FBN1: variants seen among roughly 807,000 people sequenced by gnomAD.
The protein encoded by FBN1 is fibrillin 1.
In FBN1, 29 loss-of-function variants were observed where a neutral mutation model predicts 365.1. The ratio of observed to expected loss-of-function variants is 0.08; its 90% CI spans 0.06 to 0.11. The LOEUF is 0.11. Ranked by LOEUF, FBN1 falls within the 10% of genes least tolerant of loss-of-function variation. The probability of loss-of-function intolerance (pLI) is 1.00; values close to 1 mark genes in which losing one functional copy is unlikely to be tolerated. For synonymous variants in FBN1, 1,210 were observed against 1,270.5 expected (o/e 0.95, Z 1.01); for missense variants, 2,476 against 3,703.2 (o/e 0.67, Z 8.60).
At chr15:48,414,050 G>T (rs188953780) in intron 64 of FBN1, among the ~76,000 whole-genome samples, 15 of 152,312 alleles carry the variant, frequency 9.8e-5, no homozygotes, top group Admixed American at 9.8e-4. Context: ...CTGCAAATTT[G>T]CAGGCTTTGG....
At chr15:48,512,980 G>A (rs1480629746) in intron 13 of FBN1, among the ~76,000 whole-genome samples, 1 of 152,116 alleles carries the variant, frequency 6.6e-6, no homozygotes, top group Non-Finnish European at 1.5e-5. Flanking sequence ...AATTTTTTAT[G>A]AGGGGACATT....
Position 48,505,164 on chromosome 15 carries a change from C to A in FBN1, c.1838-17G>T, listed in dbSNP as rs762500537. 12 of 1,613,828 alleles carry A rather than the reference C, an allele frequency of 7.4e-6. No individual in the cohort carries two copies. The East Asian group carries it at 2.7e-4, about 36-fold the overall frequency. On this transcript the variant is annotated splice_polypyrimidine_tract_variant and intron_variant, in intron 15 of 65. Coordinates refer to ENST00000316623, the MANE Select transcript of FBN1 (RefSeq NM_000138.5). The stretch of plus-strand genomic sequence containing the variant: ...CGTTAATGTCTGTGGCAGAGAAAGG[C>A]ACTTATTAAAAATGAAGTGACATTT...
intron 2 of FBN1, among the ~76,000 whole-genome samples, chr15:48,626,256 CA>C (rs35055998): frequency 0.19 from 16,853 of 88,866 alleles, 923 homozygotes; most frequent in Non-Finnish European, 0.22. Flanking sequence ...GACCCTGTCT[CA>C]AAAAAAAAAA....
rs10519175 is a variant in FBN1 at position 48,460,712 on chromosome 15, C to T, written c.5225-395G>A. On this transcript the variant is annotated intron_variant, in intron 42 of 65. Coordinates refer to ENST00000316623, the MANE Select transcript of FBN1 (RefSeq NM_000138.5). ...GGAACACGTATAAAAGCCATTTTCT[C>T]GGTAGATTATAGGAGACCATAGCAA... Among the ~76,000 whole-genome samples the T allele has an allele frequency of 4.9e-3, 740 of 152,168 alleles. 16 individuals are homozygous for T. Among genetic ancestry groups the T allele is most frequent in the East Asian group, 0.048 (250 of 5,184 alleles).
At chr15:48,446,539 T>C (rs2043160590) in intron 47 of FBN1, among the ~76,000 whole-genome samples, 167 bp downstream of exon 47, 1 of 152,212 alleles carries the variant, frequency 6.6e-6, no homozygotes, top group Non-Finnish European at 1.5e-5. Flanking sequence ...ACTTCTGTAA[T>C]ATATTTCATG....
intron 6 of FBN1, among the ~76,000 whole-genome samples, chr15:48,553,806 G>A (rs1801590975): frequency 6.6e-6 from 1 of 152,112 alleles, no homozygotes; most frequent in Non-Finnish European, 1.5e-5. Context: ...TGAGCTGGTT[G>A]TGCTTCAGTC....
intron 4 of FBN1, among the ~76,000 whole-genome samples, chr15:48,602,710 C>T (rs1161212533): frequency 1.7e-4 from 26 of 152,094 alleles, no homozygotes; most frequent in Admixed American, 1.5e-3. Flanking sequence ...CTTATGATTC[C>T]GTTAAAACAT....
chr15:48,510,685 T>C (rs562814852), intron 13 of FBN1, among the ~76,000 whole-genome samples: 3 of 152,320 alleles, frequency 2.0e-5, no homozygotes, highest in African/African-American at 4.8e-5. Flanking sequence ...TTACTGCTGA[T>C]AGATTCTTAG....
At chr15:48,490,802 A>T (rs1015996809) in intron 24 of FBN1, among the ~76,000 whole-genome samples, 1 of 152,228 alleles carries the variant, frequency 6.6e-6, no homozygotes, top group Non-Finnish European at 1.5e-5. Context: ...TGTCTTCAAT[A>T]AATTATCCTA....
intron 49 of FBN1, among the ~76,000 whole-genome samples, chr15:48,443,970 T>G (rs1213768389): frequency 6.6e-6 from 1 of 152,116 alleles, no homozygotes; most frequent in Admixed American, 6.6e-5. Context: ...AGTTCAAGCT[T>G]ACAGTGAGCT....
At chr15:48,479,116 G>A (rs1037347743) in intron 32 of FBN1, among the ~76,000 whole-genome samples, 2 of 152,150 alleles carry the variant, frequency 1.3e-5, no homozygotes, top group Non-Finnish European at 2.9e-5. Flanking sequence ...TTAGTTGCCT[G>A]GAACATTATT....
chr15:48,481,678 T>C lies in FBN1; in HGVS notation c.3941A>G (p.Lys1314Arg). 1 of 1,613,892 alleles carries C rather than the reference T, an allele frequency of 6.2e-7. No homozygotes were observed. Residue 1314 changes from lysine to arginine, a missense_variant, in exon 32 of 66, where the codon AAA (lysine) becomes AGA (arginine). Coordinates refer to ENST00000316623, the MANE Select transcript of FBN1 (RefSeq NM_000138.5). The part of the protein sequence containing the change: ...ICHCDMGYSG[K>R]KGKTGCTDIN... ...ACCTGTACAGCCAGTTTTTCCTTTT[T>C]TGCCGGAGTAGCCCATATCACAGTG...
intron 6 of FBN1, among the ~76,000 whole-genome samples, chr15:48,549,379 C>T (rs1016327339): frequency 1.3e-5 from 2 of 152,182 alleles, no homozygotes; most frequent in South Asian, 2.1e-4. Context: ...AGCAGGGAGG[C>T]GGCATGTACA....
intron 38 of FBN1, among the ~76,000 whole-genome samples, chr15:48,466,220 C>T (rs1441827242): frequency 6.6e-6 from 1 of 152,098 alleles, no homozygotes; most frequent in Non-Finnish European, 1.5e-5. Context: ...TCTGTTCAGC[C>T]TACTTTCTGG....
At chr15:48,440,497 T>C (rs747704368) in intron 50 of FBN1, among the ~76,000 whole-genome samples, 3 of 152,232 alleles carry the variant, frequency 2.0e-5, no homozygotes, top group Non-Finnish European at 4.4e-5. Flanking sequence ...TTTATCTGAC[T>C]GGTCTGTACC....
rs73394241 is a variant in FBN1, at chr15:48,549,648, T to A, written c.539-11840A>T. ...ATTCCTTTTTGGAAGAAGAACGTGTTCTTTCATCAAATTCTTAAAAGTGTC... is the reference window on the plus strand; with the variant it reads ...ATTCCTTTTTGGAAGAAGAACGTGTACTTTCATCAAATTCTTAAAAGTGTC... On this transcript the variant is annotated intron_variant, in intron 6 of 65. Coordinates refer to ENST00000316623, the MANE Select transcript of FBN1 (RefSeq NM_000138.5). Among the ~76,000 whole-genome samples the A allele has an allele frequency of 6.0e-3, 921 of 152,328 alleles. 9 individuals carry two copies. Among genetic ancestry groups the A allele is most frequent in the African/African-American group, 0.022 (899 of 41,564 alleles).
intron 32 of FBN1, among the ~76,000 whole-genome samples, chr15:48,479,023 AT>A (rs1743253738): frequency 6.6e-6 from 1 of 152,218 alleles, no homozygotes; most frequent in South Asian, 2.1e-4. Context: ...ATCTATCTAA[AT>A]AAATAAATAG....
chr15:48,639,689 G>A (rs1275154577), intron 2 of FBN1, among the ~76,000 whole-genome samples: 4 of 152,224 alleles, frequency 2.6e-5, no homozygotes, highest in East Asian at 1.9e-4. Flanking sequence ...ATCATGAAAC[G>A]CTAAACTATC....
rs886051247 is a variant in FBN1 at position 48,437,817 on chromosome 15, C to G, written c.6264G>C (p.Lys2088Asn). Residue 2088 changes from lysine (K) to asparagine (N), a missense_variant, in exon 51 of 66, where the codon AAG becomes AAC. Lys to Asn is a moderately conservative substitution (Grantham distance 94). Coordinates refer to ENST00000316623, the MANE Select transcript of FBN1 (RefSeq NM_000138.5). ...HSKQECCCAL[K>N]GEGWGDPCEL... ...CGCAGGGGTCTCCCCAGCCTTCTCC[C>G]TTCAAGGCACAGCAGCATTCCTGCT... is the stretch of plus-strand genomic sequence containing the variant. The G allele has an allele frequency of 6.2e-7, 1 of 1,613,886 alleles. No homozygotes were observed. The highest frequency in any genetic ancestry group is 8.5e-7 in the Non-Finnish European group (1 of 1,179,872).
Sources: allele counts gnomAD v4.1 joint callset (sites outside exome capture counted in the v4.1 genomes callset), GRCh38; gene constraint gnomAD v4.1.1; transcripts MANE v1.5; gene names NCBI Gene and HGNC (gene_info 2026-07-23, HGNC 2026-07-21).